LDLRAD4: variants seen among roughly 807,000 people sequenced by gnomAD.
LDLRAD4 encodes the protein low density lipoprotein receptor class A domain containing 4.
Under a neutral mutation model 17.0 loss-of-function variants are expected in LDLRAD4, and 5 were observed. That is an observed-to-expected ratio of 0.29 (90% CI 0.15 to 0.62). LDLRAD4 has a LOEUF of 0.62. Ranked by LOEUF, LDLRAD4 falls within the 20% of genes least tolerant of loss-of-function variation. The pLI is 0.84. For missense variants in LDLRAD4, 340 were observed against 424.7 expected (o/e 0.80, Z 1.75); for synonymous variants, 168 against 171.8 (o/e 0.98, Z 0.17).
intron 1 of LDLRAD4, among the ~76,000 whole-genome samples, chr18:13,228,388 G>T (rs1166781329): frequency 6.6e-6 from 1 of 152,096 alleles, no homozygotes; most frequent in Non-Finnish European, 1.5e-5. Context: ...AGGGCTTTGG[G>T]TGCCTGACAA....
intron 1 of LDLRAD4, among the ~76,000 whole-genome samples, chr18:13,353,857 ATAGAAC>A (rs1219397330): frequency 6.6e-6 from 1 of 152,262 alleles, no homozygotes; most frequent in Non-Finnish European, 1.5e-5. Flanking sequence ...CTTAATGACT[ATAGAAC>A]TTTGTTTTCC....
At chr18:13,239,229 A>T (rs1274724167) in intron 1 of LDLRAD4, among the ~76,000 whole-genome samples, 1 of 150,518 alleles carries the variant, frequency 6.6e-6, no homozygotes, top group Non-Finnish European at 1.5e-5. Flanking sequence ...TGCGGGCTCG[A>T]GAGAACATTT....
chr18:13,277,055 T>TA (rs1264834027), upstream of LDLRAD4, among the ~76,000 whole-genome samples: 1 of 152,162 alleles, frequency 6.6e-6, no homozygotes, highest in Non-Finnish European at 1.5e-5. Flanking sequence ...GGAATGTCTG[T>TA]AGGCTCCCAA....
intron 1 of LDLRAD4, among the ~76,000 whole-genome samples, chr18:13,316,391 C>T (rs1413271695): frequency 6.6e-6 from 1 of 152,196 alleles, no homozygotes; most frequent in Non-Finnish European, 1.5e-5. Flanking sequence ...CACCAAAGGG[C>T]ATTTTCAGAC....
At chr18:13,447,907 C>T (rs1413085592) in intron 3 of LDLRAD4, among the ~76,000 whole-genome samples, 1 of 152,168 alleles carries the variant, frequency 6.6e-6, no homozygotes, top group Admixed American at 6.5e-5. Flanking sequence ...GCTTAAGTAA[C>T]TGGGGAAAGT....
chr18:13,612,934 G>T, intron 3 of LDLRAD4: 1 of 714,602 alleles, frequency 1.4e-6, no homozygotes, highest in South Asian at 1.9e-5. Flanking sequence ...GAACATTTCC[G>T]GGTGGGACTC....
intron 3 of LDLRAD4, among the ~76,000 whole-genome samples, chr18:13,561,186 A>G (rs2094536938): frequency 6.6e-6 from 1 of 152,242 alleles, no homozygotes. Context: ...CACGTTTGAA[A>G]GGTTGAAAGG....
intron 1 of LDLRAD4, among the ~76,000 whole-genome samples, chr18:13,226,179 G>GTTTTTTTTTTTTTTT (rs1243883704): frequency 3.5e-4 from 4 of 11,472 alleles, no homozygotes; most frequent in South Asian, 4.2e-3. Context: ...GCCATGCCTT[G>GTTTTTTTTTTTTTTT]CTTTTTTTTT....
At chr18:13,611,725 A>G (rs2039576372) in intron 3 of LDLRAD4, 1 of 985,352 alleles carries the variant, frequency 1.0e-6, no homozygotes, top group Non-Finnish European at 1.2e-6. Flanking sequence ...GCTACCATAC[A>G]TGGGGAATAA....
At chr18:13,387,108 A>G (rs1029588184) in intron 1 of LDLRAD4, among the ~76,000 whole-genome samples, 2 of 152,138 alleles carry the variant, frequency 1.3e-5, no homozygotes, top group Admixed American at 6.5e-5. Context: ...TTCTTCCCCG[A>G]GGTGTCTGTG....
chr18:13,353,998 C>CT (rs145234721), intron 1 of LDLRAD4, among the ~76,000 whole-genome samples: 11 of 151,630 alleles, frequency 7.3e-5, no homozygotes, highest in South Asian at 4.2e-4. Context: ...AGATAATATT[C>CT]TTTTTTTTTC....
intron 2 of LDLRAD4, among the ~76,000 whole-genome samples, chr18:13,426,433 A>T (rs1346812903): frequency 6.6e-6 from 1 of 152,232 alleles, no homozygotes; most frequent in Non-Finnish European, 1.5e-5. Flanking sequence ...AGAAATAAGT[A>T]GTTTTTCCTA....
chr18:13,607,927 G>A lies in LDLRAD4; in HGVS notation c.182-13190G>A, dbSNP rs531132292. 7.6e-4 allele frequency among the ~76,000 whole-genome samples: 116 copies of A among 152,260 alleles called. 1 individual carries two copies. The highest frequency in any genetic ancestry group is 2.7e-3 in the African/African-American group (112 of 41,534). On this transcript the variant is annotated intron_variant, in intron 3 of 5. Coordinates refer to ENST00000359446, the Ensembl canonical transcript of LDLRAD4. Reference sequence around the variant, plus strand: ...ACATACGTGTGCATGTGTCTTTATAGTAGAATGATTTATAATCCTTTGGGT... The same window carrying A: ...ACATACGTGTGCATGTGTCTTTATAATAGAATGATTTATAATCCTTTGGGT...
chr18:13,569,020 T>A (rs1267912019), intron 3 of LDLRAD4, among the ~76,000 whole-genome samples: 1 of 152,158 alleles, frequency 6.6e-6, no homozygotes, highest in Non-Finnish European at 1.5e-5. Flanking sequence ...AATAAACATT[T>A]TATGAATGAG....
chr18:13,310,482 G>T (rs2047173216), intron 1 of LDLRAD4, among the ~76,000 whole-genome samples: 1 of 152,238 alleles, frequency 6.6e-6, no homozygotes, highest in South Asian at 2.1e-4. Context: ...TGCCCTAGAG[G>T]TTTTGCGGTA....
Position 13,322,303 on chromosome 18 carries a change from T to G in LDLRAD4, c.-383+44115T>G, listed in dbSNP as rs868781236. Among the ~76,000 whole-genome samples, 843 of 145,922 alleles carry G rather than the reference T, an allele frequency of 5.8e-3. 6 individuals are homozygous for G. The highest frequency in any genetic ancestry group is 0.01 in the Middle Eastern group (3 of 286). On this transcript the variant is annotated intron_variant, in intron 1 of 5. Coordinates refer to ENST00000359446, the Ensembl canonical transcript of LDLRAD4. ...TCACTTTTCTCACTTTTTTTTTTTT[T>G]TTTTTTTTGGTTTTGAGACAGAGTC... is the stretch of plus-strand genomic sequence containing the variant.
chr18:13,565,295 C>A lies in LDLRAD4; in HGVS notation c.182-55822C>A, dbSNP rs145904801. On this transcript the variant is annotated intron_variant, in intron 3 of 5. Transcript: ENST00000359446. ...TGAAGGCCACAGCTGAAGAGACCAT[C>A]TTCCCTGATCCCAGACAGCCCCTGT... 2.3e-3 allele frequency among the ~76,000 whole-genome samples: 343 copies of A among 152,344 alleles called. 1 individual carries two copies. The highest frequency in any genetic ancestry group is 7.3e-3 in the African/African-American group (305 of 41,582).
At position 13,597,762 on chromosome 18, in the gene LDLRAD4, G is replaced by T. The variant is rs576218063; in HGVS notation, c.182-23355G>T. ...TTTTCAACACCAGGCATTCCATTTG[G>T]TTTTTTCACAGATAATTCTATTTCT... On this transcript the variant is annotated intron_variant, in intron 3 of 5. Coordinates refer to ENST00000359446, the Ensembl canonical transcript of LDLRAD4. Among the ~76,000 whole-genome samples the T allele has an allele frequency of 8.5e-4, 129 of 151,896 alleles. 1 individual carries two copies. Among genetic ancestry groups the T allele is most frequent in the African/African-American group, 2.9e-3 (122 of 41,396 alleles).
intron 4 of LDLRAD4, 65 bp from the exon 6 acceptor site, chr18:13,643,294 G>T (rs1934787232): frequency 9.6e-7 from 1 of 1,039,942 alleles, no homozygotes. Context: ...TTTTAGGTGC[G>T]GCGGGGCTAA....
Sources: gnomAD v4.1 joint callset for allele counts (sites outside exome capture counted in the v4.1 genomes callset) on GRCh38, gnomAD v4.1.1 for gene constraint, MANE v1.5 for transcripts, NCBI Gene and HGNC (gene_info 2026-07-23, HGNC 2026-07-21) for gene names.